STK3: variants seen among roughly 807,000 people sequenced by gnomAD.
The protein encoded by STK3 is serine/threonine-protein kinase 3.
A neutral mutation model predicts 58.0 loss-of-function variants in STK3; 41 were observed. That is an observed-to-expected ratio of 0.71 (90% CI 0.55 to 0.92). The LOEUF (loss-of-function observed/expected upper bound fraction) is 0.92. STK3 is among the 40% of genes least tolerant of loss of function. The probability of loss-of-function intolerance (pLI) is 0.00; values close to 1 mark genes in which losing one functional copy is unlikely to be tolerated. For synonymous variants in STK3, 170 were observed against 191.0 expected (o/e 0.89, Z 0.91); for missense variants, 479 against 602.7 (o/e 0.79, Z 2.15).
At chr8:98,941,033 G>T (rs980121277) in intron 1 of STK3, among the ~76,000 whole-genome samples, 2 of 152,212 alleles carry the variant, frequency 1.3e-5, no homozygotes, top group African/African-American at 4.8e-5. Flanking sequence ...CGGCGGGGCA[G>T]CTGTTGGCCA....
At chr8:98,352,705 T>C in the STK3 span, among the ~76,000 whole-genome samples, 1 of 152,332 alleles carries the variant, frequency 6.6e-6, no homozygotes, top group East Asian at 1.9e-4. Context: ...AGCAGAATGT[T>C]TTCTCATCCC....
intron 6 of STK3, among the ~76,000 whole-genome samples, chr8:98,669,104 C>T (rs1223239538): frequency 4.1e-5 from 6 of 146,118 alleles, no homozygotes; most frequent in Non-Finnish European, 8.9e-5. Context: ...CCAAGCAATT[C>T]TCCTGCCTCA....
At chr8:98,490,729 A>G (rs1822621231) in intron 10 of STK3, among the ~76,000 whole-genome samples, 1 of 152,178 alleles carries the variant, frequency 6.6e-6, no homozygotes, top group Non-Finnish European at 1.5e-5. Flanking sequence ...AAAAAAACCA[A>G]CTGCAAGTTT....
intron 2 of STK3, among the ~76,000 whole-genome samples, chr8:98,768,172 T>C (rs559740497): frequency 2.0e-5 from 3 of 152,336 alleles, no homozygotes; most frequent in Admixed American, 6.5e-5. Flanking sequence ...CTAGGTGTTT[T>C]ACATGCATTA....
At chr8:98,352,070 G>A in the STK3 span, among the ~76,000 whole-genome samples, 1 of 149,158 alleles carries the variant, frequency 6.7e-6, no homozygotes, top group East Asian at 2.0e-4. Context: ...CCGGGAGATG[G>A]AGCTTGTAGT....
At chr8:98,585,261 T>C (rs1256322111) in intron 7 of STK3, among the ~76,000 whole-genome samples, 1 of 152,216 alleles carries the variant, frequency 6.6e-6, no homozygotes, top group Non-Finnish European at 1.5e-5. Flanking sequence ...CCATCTTGAA[T>C]TAATTTTTGT....
the STK3 span, among the ~76,000 whole-genome samples, chr8:98,353,200 G>A: frequency 2.0e-5 from 3 of 152,192 alleles, no homozygotes; most frequent in African/African-American, 7.2e-5. Context: ...TAGGTTGGGT[G>A]TGGTGGCTCA....
chr8:98,710,870 C>A (rs1197274989), intron 4 of STK3, among the ~76,000 whole-genome samples: 1 of 151,992 alleles, frequency 6.6e-6, no homozygotes, highest in Non-Finnish European at 1.5e-5. Context: ...CCCAAGTAGC[C>A]TAACTGGGAG....
At chr8:98,826,276 T>A (rs1219823800), upstream of STK3, among the ~76,000 whole-genome samples, 3 of 152,248 alleles carry the variant, frequency 2.0e-5, no homozygotes, top group Non-Finnish European at 4.4e-5. Flanking sequence ...CCTCTCTAGT[T>A]CTGTTTATAA....
chr8:98,831,815 GTCC>G (rs1248271384), intron 3 of STK3, among the ~76,000 whole-genome samples: 1 of 152,110 alleles, frequency 6.6e-6, no homozygotes. Context: ...TTTAACCACT[GTCC>G]TCCTTTATCA....
At chr8:98,696,216 G>A (rs1216838493) in intron 6 of STK3, among the ~76,000 whole-genome samples, 1 of 152,242 alleles carries the variant, frequency 6.6e-6, no homozygotes, top group African/African-American at 2.4e-5. Context: ...TGTATCCTGA[G>A]ACTTTGCTGA....
At chr8:98,521,480 C>T (rs991033832) in intron 10 of STK3, among the ~76,000 whole-genome samples, 2 of 151,930 alleles carry the variant, frequency 1.3e-5, no homozygotes, top group Non-Finnish European at 2.9e-5. Flanking sequence ...GCCACATAAC[C>T]GATTTCCCCT....
Position 98,464,540 on chromosome 8 carries a change from T to TAAAAAAAAAAAAAAA in STK3, c.1318-8555_1318-8541dup. On this transcript the variant is annotated intron_variant, in intron 10 of 10. Coordinates refer to ENST00000419617, the MANE Select transcript of STK3 (RefSeq NM_006281.4). ...AGGGATAACAGGTAGTACTTAAAGT[T>TAAAAAAAAAAAAAAA]AAAAAAAAAAAAAAAAAAAAAAAAG... 1.3e-4 allele frequency among the ~76,000 whole-genome samples: 9 copies of TAAAAAAAAAAAAAAA among 69,224 alleles called. 1 individual carries two copies. The highest frequency in any genetic ancestry group is 2.3e-4 in the African/African-American group (4 of 17,436). 45.4% of individuals were successfully genotyped at this position (69,224 alleles called of 152,430 possible). A position where few individuals can be genotyped will look rare whatever the true frequency, so the allele number is the denominator to read the frequency against.
chr8:98,361,965 A>G, the STK3 span, among the ~76,000 whole-genome samples: 2 of 152,184 alleles, frequency 1.3e-5, no homozygotes, highest in African/African-American at 4.8e-5. Context: ...CCTCACTGCC[A>G]GCCTGAATCC....
intron 4 of STK3, among the ~76,000 whole-genome samples, chr8:98,729,642 T>A (rs1335640914): frequency 6.6e-6 from 1 of 152,226 alleles, no homozygotes; most frequent in East Asian, 1.9e-4. Flanking sequence ...CTAAGTGAGA[T>A]GATAGGATAA....
chr8:98,829,830 C>G (rs1835460128), upstream of STK3, among the ~76,000 whole-genome samples: 1 of 152,130 alleles, frequency 6.6e-6, no homozygotes, highest in Non-Finnish European at 1.5e-5. Context: ...GATTTACATT[C>G]TGGTTGGGGA....
chr8:98,464,629 T>C (rs1820323072), intron 10 of STK3, among the ~76,000 whole-genome samples: 1 of 150,542 alleles, frequency 6.6e-6, no homozygotes, highest in Non-Finnish European at 1.5e-5. Context: ...CCTGATTTAA[T>C]TCCTGGCACT....
chr8:98,836,894 A>C (rs934255644), intron 3 of STK3, among the ~76,000 whole-genome samples: 1 of 152,262 alleles, frequency 6.6e-6, no homozygotes, highest in Non-Finnish European at 1.5e-5. Context: ...ATCAATATTA[A>C]GAAATTAAAA....
At chr8:98,518,937 C>T (rs1169568722) in intron 10 of STK3, among the ~76,000 whole-genome samples, 4 of 152,116 alleles carry the variant, frequency 2.6e-5, no homozygotes, top group Admixed American at 6.6e-5. Flanking sequence ...AAGCTATCCA[C>T]TGGAACATTT....
Sources: gnomAD v4.1 joint callset for allele counts (sites outside exome capture counted in the v4.1 genomes callset) on GRCh38, gnomAD v4.1.1 for gene constraint, MANE v1.5 for transcripts, NCBI Gene and HGNC (gene_info 2026-07-23, HGNC 2026-07-21) for gene names.